The following NAV2 variants were observed in gnomAD, a reference collection of about 807,000 sequenced individuals.
The protein encoded by NAV2 is helicase, APC down-regulated 1.
In NAV2, 54 loss-of-function variants were observed where a neutral mutation model predicts 223.2. The ratio of observed to expected loss-of-function variants is 0.24; its 90% CI spans 0.19 to 0.30. The LOEUF (loss-of-function observed/expected upper bound fraction) is 0.30. Ranked by LOEUF, NAV2 falls within the 10% of genes least tolerant of loss-of-function variation. NAV2 has a pLI of 1.00. For missense variants in NAV2, 2,806 were observed against 3,147.5 expected (o/e 0.89, Z 2.60); for synonymous variants, 1,279 against 1,239.3 (o/e 1.03, Z -0.67).
At chr11:19,723,930 A>T (rs2050999383) in intron 1 of NAV2, among the ~76,000 whole-genome samples, 1 of 152,248 alleles carries the variant, frequency 6.6e-6, no homozygotes, top group African/African-American at 2.4e-5. Flanking sequence ...CAGAGCTGTC[A>T]GACCTTCCGG....
At chr11:19,935,864 T>TTTTTTTTTGTTTTG (rs2045835331) in intron 7 of NAV2, among the ~76,000 whole-genome samples, 1 of 101,154 alleles carries the variant, frequency 9.9e-6, no homozygotes, top group Admixed American at 1.1e-4. Flanking sequence ...TTTTTTTTTT[T>TTTTTTTTTGTTTTG]TTTTTTTTTT....
intron 1 of NAV2, among the ~76,000 whole-genome samples, chr11:19,361,523 A>G (rs2202234): frequency 0.97 from 147,848 of 152,058 alleles, 72,007 homozygotes; most frequent in East Asian, 1. Context: ...CCTTCTGCAC[A>G]GAAGGTAGGC....
intron 1 of NAV2, among the ~76,000 whole-genome samples, chr11:19,478,948 A>C (rs1306101912): frequency 6.6e-6 from 1 of 152,186 alleles, no homozygotes; most frequent in Non-Finnish European, 1.5e-5. Context: ...ACAGGTGCAC[A>C]TTTTTAGCAT....
chr11:19,989,555 CA>C (rs1486111850), intron 11 of NAV2, among the ~76,000 whole-genome samples: 2 of 151,914 alleles, frequency 1.3e-5, no homozygotes, highest in Admixed American at 1.3e-4. Context: ...CTTGTTATGG[CA>C]ATAGAAAACT....
chr11:19,385,433 A>G (rs527450226), intron 1 of NAV2, among the ~76,000 whole-genome samples: 1 of 152,380 alleles, frequency 6.6e-6, no homozygotes, highest in South Asian at 2.1e-4. Context: ...TAAGTTAGCC[A>G]CCATATAGCT....
At chr11:19,702,610 C>A (rs1399514861) in intron 1 of NAV2, among the ~76,000 whole-genome samples, 1 of 152,004 alleles carries the variant, frequency 6.6e-6, no homozygotes, top group Non-Finnish European at 1.5e-5. Context: ...GGAACCCTGT[C>A]TCTATGAAAA....
Position 20,054,057 on chromosome 11 carries a change from C to T in NAV2, c.4482-23C>T, listed in dbSNP as rs138907693. 386 of 1,609,338 alleles carry T rather than the reference C, an allele frequency of 2.4e-4. 3 individuals are homozygous for T. The African/African-American group carries it at 3.9e-3, about 16-fold the overall frequency. On this transcript the variant is annotated intron_variant, in intron 17 of 37. Coordinates refer to ENST00000349880, the MANE Select transcript of NAV2 (RefSeq NM_145117.5). ...AATAAGCATTGTTCATAGTTAATTCCGGCTTGATTTCTGTCTGTCCAGGTA... is the reference window on the plus strand; with the variant it reads ...AATAAGCATTGTTCATAGTTAATTCTGGCTTGATTTCTGTCTGTCCAGGTA...
intron 8 of NAV2, among the ~76,000 whole-genome samples, chr11:19,943,384 T>C: frequency 6.6e-6 from 1 of 152,202 alleles, no homozygotes; most frequent in East Asian, 1.9e-4. Context: ...AAATGCAAGT[T>C]TGACCACTTT....
chr11:19,532,687 T>C (rs1373084424), intron 1 of NAV2, among the ~76,000 whole-genome samples: 1 of 152,212 alleles, frequency 6.6e-6, no homozygotes, highest in Non-Finnish European at 1.5e-5. Flanking sequence ...GGCCATTGGC[T>C]TAAAGCCCCC....
chr11:20,097,750 T>C lies in NAV2; in HGVS notation c.6181+5T>C, dbSNP rs757014609. 5 of 1,574,438 alleles carry C rather than the reference T, an allele frequency of 3.2e-6. No individual in the cohort carries two copies. Among genetic ancestry groups the C allele is most frequent in the Non-Finnish European group, 4.3e-6 (5 of 1,161,090 alleles). On this transcript the variant is annotated splice_donor_5th_base_variant and intron_variant, in intron 31 of 37. Coordinates refer to ENST00000349880, the MANE Select transcript of NAV2 (RefSeq NM_145117.5). ...CCATCTCAGTGACTGTGAAAGGTAATTGAGCTTGTTGCAGAAGTCGGAGCT... is the reference window on the plus strand; with the variant it reads ...CCATCTCAGTGACTGTGAAAGGTAACTGAGCTTGTTGCAGAAGTCGGAGCT...
chr11:19,450,357 A>G (rs1851748095), intron 1 of NAV2, among the ~76,000 whole-genome samples: 1 of 152,146 alleles, frequency 6.6e-6, no homozygotes, highest in African/African-American at 2.4e-5. Context: ...TCAGTGTCTA[A>G]AGACCAGCTC....
chr11:19,872,485 A>G (rs936655965), intron 4 of NAV2, among the ~76,000 whole-genome samples: 2 of 152,280 alleles, frequency 1.3e-5, no homozygotes, highest in African/African-American at 4.8e-5. Flanking sequence ...ATCCACCTGC[A>G]TAACTACTAG....
intron 3 of NAV2, among the ~76,000 whole-genome samples, chr11:19,864,939 C>CA (rs568285200): frequency 7.5e-4 from 114 of 152,324 alleles, no homozygotes; most frequent in African/African-American, 2.5e-3. Context: ...GCTAATGCTG[C>CA]AAATTCCAGG....
At chr11:19,462,941 G>C (rs1852217246) in intron 1 of NAV2, among the ~76,000 whole-genome samples, 1 of 152,132 alleles carries the variant, frequency 6.6e-6, no homozygotes, top group Non-Finnish European at 1.5e-5. Context: ...TCCAAAATTT[G>C]GCACTTTCTG....
intron 11 of NAV2, among the ~76,000 whole-genome samples, chr11:19,988,418 A>G (rs1036982108): frequency 8.1e-6 from 1 of 123,482 alleles, no homozygotes; most frequent in African/African-American, 2.8e-5. Flanking sequence ...AGGCCATATT[A>G]CTTCAAACCT....
intron 1 of NAV2, among the ~76,000 whole-genome samples, chr11:19,423,562 C>CATCT (rs761893078): frequency 6.6e-6 from 1 of 152,200 alleles, no homozygotes; most frequent in Non-Finnish European, 1.5e-5. Context: ...ATTTATTGAG[C>CATCT]ATCTACTCTG....
At chr11:19,439,780 A>T (rs1851335615) in intron 1 of NAV2, among the ~76,000 whole-genome samples, 1 of 152,244 alleles carries the variant, frequency 6.6e-6, no homozygotes, top group African/African-American at 2.4e-5. Context: ...CTTTTGTTTC[A>T]ACCCTTGTTA....
upstream of NAV2, chr11:19,711,105 T>C (rs897068984): frequency 6.6e-6 from 1 of 152,206 alleles, no homozygotes; most frequent in Non-Finnish European, 1.5e-5. Context: ...AGAGGGAGGA[T>C]AACTGAAACA....
At chr11:19,642,143 T>C (rs1204882245) in intron 1 of NAV2, among the ~76,000 whole-genome samples, 1 of 152,170 alleles carries the variant, frequency 6.6e-6, no homozygotes, top group Non-Finnish European at 1.5e-5. Context: ...GACATCCCTA[T>C]GCCGTATCTC....
Sources: allele counts gnomAD v4.1 joint callset (sites outside exome capture counted in the v4.1 genomes callset), GRCh38; gene constraint gnomAD v4.1.1; transcripts MANE v1.5; gene names NCBI Gene and HGNC (gene_info 2026-07-23, HGNC 2026-07-21).